DYNC2H1: variants seen among roughly 807,000 people sequenced by gnomAD.
The protein encoded by DYNC2H1 is cytoplasmic dynein 2 heavy chain 1.
In DYNC2H1, 410 loss-of-function variants were observed where a neutral mutation model predicts 570.0. The ratio of observed to expected loss-of-function variants is 0.72; its 90% confidence interval spans 0.66 to 0.78. DYNC2H1 has a LOEUF of 0.78. Ranked by LOEUF, DYNC2H1 falls within the 30% of genes least tolerant of loss-of-function variation. The pLI is 0.00. For missense variants in DYNC2H1, 4,865 were observed against 5,046.4 expected (o/e 0.96, Z 1.09); for synonymous variants, 1,688 against 1,677.6 (o/e 1.01, Z -0.15).
chr11:103,122,046 GA>G (rs1858746507), intron 10 of DYNC2H1, among the ~76,000 whole-genome samples: 1 of 152,164 alleles, frequency 6.6e-6, no homozygotes, highest in East Asian at 1.9e-4. Flanking sequence ...GAAGTTAAAG[GA>G]AAGGTAAAAG....
Position 103,114,236 on chromosome 11 carries a change from G to T in DYNC2H1, c.500G>T (p.Arg167Leu). 6.3e-7 allele frequency: 1 copy of T among 1,585,436 alleles called. No individual in the cohort carries two copies. Among genetic ancestry groups the T allele is most frequent in the Non-Finnish European group, 8.6e-7 (1 of 1,164,748 alleles). The change falls in exon 3 of 89, where the codon CGA (arginine) becomes CTA (leucine). Residue 167 changes from arginine to leucine, a missense_variant and splice_region_variant. Transcript: ENST00000375735. ...TTGAAATTTAAGGAAGATGACACAC[G>T]AGGTATATAACCATAGCTTAATAAA... Reference protein sequence around the residue: ...TKLKFKEDDTRGILTPSDEFQ... With the variant: ...TKLKFKEDDTLGILTPSDEFQ...
intron 12 of DYNC2H1, among the ~76,000 whole-genome samples, chr11:103,126,199 G>C (rs543974416): frequency 3.9e-5 from 6 of 152,284 alleles, no homozygotes; most frequent in African/African-American, 1.4e-4. Context: ...AATGAATACA[G>C]TACTATCATA....
intron 87 of DYNC2H1, among the ~76,000 whole-genome samples, chr11:103,467,324 G>T (rs1945223037): frequency 6.6e-6 from 1 of 152,064 alleles, no homozygotes; most frequent in African/African-American, 2.4e-5. Flanking sequence ...CCTTGCAACA[G>T]CAACCTTACT....
At chr11:103,478,420 A>C (rs1199726170) in intron 88 of DYNC2H1, among the ~76,000 whole-genome samples, 2 of 152,156 alleles carry the variant, frequency 1.3e-5, no homozygotes, top group Non-Finnish European at 2.9e-5. Flanking sequence ...TAGCCAAAAA[A>C]GAGAGACAAC....
intron 14 of DYNC2H1, among the ~76,000 whole-genome samples, chr11:103,134,037 T>G (rs538040327): frequency 6.6e-6 from 1 of 152,332 alleles, no homozygotes; most frequent in South Asian, 2.1e-4. Flanking sequence ...TTCCTTGTTT[T>G]TCATGACTTT....
At chr11:103,445,923 AT>A (rs1944411078) in intron 85 of DYNC2H1, among the ~76,000 whole-genome samples, 1 of 152,172 alleles carries the variant, frequency 6.6e-6, no homozygotes, top group African/African-American at 2.4e-5. Flanking sequence ...AACTGCTGGA[AT>A]TACAGGTGTG....
intron 85 of DYNC2H1, among the ~76,000 whole-genome samples, chr11:103,444,281 C>T (rs1443093395): frequency 1.3e-5 from 2 of 151,834 alleles, no homozygotes; most frequent in Non-Finnish European, 2.9e-5. Flanking sequence ...ATACTAAACA[C>T]ATAGTAATGA....
At position 103,117,679 on chromosome 11, in the gene DYNC2H1, T is replaced by C; in HGVS notation, c.815T>C (p.Leu272Pro). ...CAGAAAAAGTTGGGAACTTTGAACC[T>C]GTGGGAAGATCCTTATTATCTTGTG... ...FVQKKLGTLN[L>P]WEDPYYLVKE... Residue 272 changes from leucine to proline, a missense_variant, in exon 6 of 89, where the codon CTG becomes CCG. Physicochemically the swap from Leu to Pro is moderately conservative, Grantham distance 98. Transcript: ENST00000375735. 6.2e-7 allele frequency: 1 copy of C among 1,611,158 alleles called. No homozygotes were observed. The highest frequency in any genetic ancestry group is 1.1e-5 in the South Asian group (1 of 90,530).
chr11:103,140,139 G>C (rs1264990267), intron 17 of DYNC2H1, among the ~76,000 whole-genome samples: 1 of 152,150 alleles, frequency 6.6e-6, no homozygotes, highest in East Asian at 1.9e-4. Flanking sequence ...CCTGAATACA[G>C]CACACTGATG....
chr11:103,362,367 G>A (rs1251368209), intron 83 of DYNC2H1, among the ~76,000 whole-genome samples: 1 of 93,746 alleles, frequency 1.1e-5, no homozygotes, highest in East Asian at 3.7e-4. Context: ...GGATCTTGAT[G>A]TAACCACTTC....
chr11:103,219,611 T>A (rs892346386), intron 55 of DYNC2H1, among the ~76,000 whole-genome samples: 1 of 152,086 alleles, frequency 6.6e-6, no homozygotes, highest in African/African-American at 2.4e-5. Context: ...AGACTCCATC[T>A]CAAAAAAAAT....
intron 11 of DYNC2H1, 113 bp downstream of exon 11, chr11:103,123,113 AT>A: frequency 5.8e-4 from 514 of 878,884 alleles, no homozygotes; most frequent in Middle Eastern, 7.7e-4. Flanking sequence ...TCCTCCTGTA[AT>A]TTTTTTTTGT....
intron 70 of DYNC2H1, among the ~76,000 whole-genome samples, chr11:103,274,956 G>A (rs138387734): frequency 0.017 from 2,585 of 152,070 alleles, 35 homozygotes; most frequent in Non-Finnish European, 0.026. Flanking sequence ...TTAGCCAGGT[G>A]TGGTGGCGGG....
intron 12 of DYNC2H1, among the ~76,000 whole-genome samples, chr11:103,126,055 G>T (rs182986154): frequency 2.0e-5 from 3 of 151,764 alleles, no homozygotes; most frequent in African/African-American, 7.3e-5. Context: ...GATTTTTTTC[G>T]TTTTTTCTTT....
rs972727918 is a variant in DYNC2H1, at chr11:103,204,607, A to G, written c.8312-215A>G. 8.5e-5 allele frequency among the ~76,000 whole-genome samples: 13 copies of G among 152,144 alleles called. No homozygotes were observed. Among genetic ancestry groups the G allele is most frequent in the African/African-American group, 2.7e-4 (11 of 41,456 alleles). On this transcript the variant is annotated intron_variant, in intron 51 of 88. Coordinates refer to ENST00000375735, the MANE Select transcript of DYNC2H1 (RefSeq NM_001377.3). This position sits in a 1 kb window ranked among gnomAD's most constrained non-coding sequence, Gnocchi z 4.1. Reference sequence around the variant, plus strand: ...AGACATTATGACACTTACATTTTTCATGGACATTTTTCTGAGTCTTTTTTC... The same window carrying G: ...AGACATTATGACACTTACATTTTTCGTGGACATTTTTCTGAGTCTTTTTTC...
At chr11:103,322,389 A>G (rs1427991305) in intron 81 of DYNC2H1, among the ~76,000 whole-genome samples, 2 of 152,174 alleles carry the variant, frequency 1.3e-5, no homozygotes, top group Non-Finnish European at 2.9e-5. Context: ...ATTTTCATAC[A>G]TAGACCACAT....
At position 103,305,602 on chromosome 11, in the gene DYNC2H1, T is replaced by C. The variant is rs1565480732; in HGVS notation, c.11382+882T>C. Among the ~76,000 whole-genome samples, 1 of 152,118 alleles carries C rather than the reference T, an allele frequency of 6.6e-6. No individual in the cohort carries two copies. Among genetic ancestry groups the C allele is most frequent in the Non-Finnish European group, 1.5e-5 (1 of 68,022 alleles). Reference sequence around the variant, plus strand: ...ATTAATTTTTTCTGGCAGTGGTATATAGAATAGAAACAAACAGAATAGAGT... The same window carrying C: ...ATTAATTTTTTCTGGCAGTGGTATACAGAATAGAAACAAACAGAATAGAGT... On this transcript the variant is annotated intron_variant, in intron 77 of 88. Transcript: ENST00000375735. The surrounding 1 kb of genome is among the most constrained non-coding windows in gnomAD (Gnocchi z 4.3).
chr11:103,337,640 T>G (rs1279288996), intron 82 of DYNC2H1, among the ~76,000 whole-genome samples: 1 of 152,218 alleles, frequency 6.6e-6, no homozygotes, highest in Non-Finnish European at 1.5e-5. Flanking sequence ...GTAGTGATGT[T>G]GAGGATTGTT....
intron 88 of DYNC2H1, among the ~76,000 whole-genome samples, chr11:103,477,951 A>G (rs1945614576): frequency 6.6e-6 from 1 of 151,676 alleles, no homozygotes; most frequent in Non-Finnish European, 1.5e-5. Flanking sequence ...TTTCCAGGGC[A>G]GGAAATATAA....
Sources: allele counts gnomAD v4.1 joint callset (sites outside exome capture counted in the v4.1 genomes callset), GRCh38; gene constraint gnomAD v4.1.1; non-coding constraint Gnocchi (gnomAD v3.1); transcripts MANE v1.5; gene names NCBI Gene and HGNC (gene_info 2026-07-23, HGNC 2026-07-21).